TMEM161B: variants seen among roughly 807,000 people sequenced by gnomAD.
TMEM161B encodes transmembrane protein 161B.
Under a neutral mutation model 61.8 loss-of-function variants are expected in TMEM161B, and 34 were observed. That is an observed-to-expected ratio of 0.55 (90% CI 0.42 to 0.73). TMEM161B has a LOEUF of 0.73. Among genes scored for constraint, TMEM161B ranks in the 30% least tolerant of loss-of-function variants. The pLI is 0.00. For missense variants in TMEM161B, 456 were observed against 558.5 expected, an observed-to-expected ratio of 0.82 and a Z score of 1.85; for synonymous variants, 167 against 192.8, an observed-to-expected ratio of 0.87 and a Z score of 1.11.
At chr5:88,217,220 G>A (rs1022089096) in intron 5 of TMEM161B, among the ~76,000 whole-genome samples, 3 of 152,156 alleles carry the variant, frequency 2.0e-5, no homozygotes, top group African/African-American at 7.2e-5. Flanking sequence ...TCATACCACT[G>A]CACTACAGCC....
downstream of TMEM161B, among the ~76,000 whole-genome samples, chr5:88,190,896 C>A (rs1020294310): frequency 1.3e-5 from 2 of 152,098 alleles, no homozygotes; most frequent in African/African-American, 4.8e-5. Flanking sequence ...TTACAGTGTA[C>A]ATTATTCTTT....
At chr5:88,189,332 C>G (rs986029224), downstream of TMEM161B, among the ~76,000 whole-genome samples, 1 of 152,100 alleles carries the variant, frequency 6.6e-6, no homozygotes, top group South Asian at 2.1e-4. Context: ...TTCGGCTATG[C>G]GTGGACCAGT....
chr5:88,212,843 A>C (rs935882378), intron 5 of TMEM161B, among the ~76,000 whole-genome samples: 2 of 152,330 alleles, frequency 1.3e-5, no homozygotes, highest in Non-Finnish European at 2.9e-5. Flanking sequence ...TTTGAGAAGA[A>C]ATAGACCATA....
downstream of TMEM161B, among the ~76,000 whole-genome samples, chr5:88,193,456 G>A (rs1160143993): frequency 4.6e-5 from 7 of 152,034 alleles, no homozygotes; most frequent in Non-Finnish European, 1.0e-4. Flanking sequence ...TGTATTTGAA[G>A]AACATAACTC....
chr5:88,253,656 A>C (rs1393835052), intron 1 of TMEM161B, among the ~76,000 whole-genome samples: 1 of 152,188 alleles, frequency 6.6e-6, no homozygotes, highest in Non-Finnish European at 1.5e-5. Flanking sequence ...AAGTAACCAA[A>C]TCAAATATGT....
Position 88,216,609 on chromosome 5 carries a change from A to G in TMEM161B, c.446+3954T>C, listed in dbSNP as rs370592093. On this transcript the variant is annotated intron_variant, in intron 5 of 11. Transcript: ENST00000296595. Reference sequence around the variant, plus strand: ...CTTAAGACTTTGTTCTGGCTCTTCTAGTCTAAACTATACCTAAATCAATCC... The same window carrying G: ...CTTAAGACTTTGTTCTGGCTCTTCTGGTCTAAACTATACCTAAATCAATCC... Among the ~76,000 whole-genome samples, 83 of 152,310 alleles carry G rather than the reference A, an allele frequency of 5.4e-4. 2 individuals carry two copies. In the South Asian group the frequency reaches 0.017, roughly 31 times the overall value.
chr5:88,226,122 T>G (rs778113468), intron 3 of TMEM161B, among the ~76,000 whole-genome samples: 5 of 152,158 alleles, frequency 3.3e-5, no homozygotes, highest in Non-Finnish European at 5.9e-5. Flanking sequence ...AACAAAATCT[T>G]TTTTTTTCTA....
chr5:88,224,768 CCT>C (rs745873432), intron 4 of TMEM161B, among the ~76,000 whole-genome samples: 77 of 152,242 alleles, frequency 5.1e-4, no homozygotes, highest in African/African-American at 1.8e-3. Context: ...AAGACCAACC[CCT>C]CTTCTTCCTT....
At chr5:88,192,014 ATATATATATATATG>A (rs1748988867), downstream of TMEM161B, among the ~76,000 whole-genome samples, 2 of 93,788 alleles carry the variant, frequency 2.1e-5, no homozygotes, top group Non-Finnish European at 2.1e-5. Context: ...ATATATATAT[ATATATATATATATG>A]TATATAGCCA....
In TMEM161B at chr5:88,258,803, C is replaced by T. The variant is rs1401433847; in HGVS notation, c.3+9918G>A. Among the ~76,000 whole-genome samples, 3 of 152,044 alleles carry T rather than the reference C, an allele frequency of 2.0e-5. No individual in the cohort carries two copies. In the East Asian group the frequency reaches 5.8e-4, roughly 29 times the overall value. On this transcript the variant is annotated intron_variant, in intron 1 of 11. Coordinates refer to ENST00000296595, the MANE Select transcript of TMEM161B (RefSeq NM_153354.5). ...ACATTGGGGCAAATGGTGGCAATCA[C>T]CAGGTAAAAGATAACAAAAATCAGC...
intron 1 of TMEM161B, among the ~76,000 whole-genome samples, chr5:88,265,328 A>G (rs1183915251): frequency 6.6e-6 from 1 of 152,102 alleles, no homozygotes. Flanking sequence ...TTTTTCACAC[A>G]TTGTGGAGGC....
intron 1 of TMEM161B, among the ~76,000 whole-genome samples, chr5:88,255,552 T>G (rs1028403047): frequency 6.6e-6 from 1 of 152,228 alleles, no homozygotes; most frequent in African/African-American, 2.4e-5. Flanking sequence ...AAAATGGCAA[T>G]TTCATATAGT....
intron 3 of TMEM161B, among the ~76,000 whole-genome samples, chr5:88,227,454 A>G (rs557809128): frequency 6.6e-6 from 1 of 152,304 alleles, no homozygotes; most frequent in East Asian, 1.9e-4. Flanking sequence ...GGAAACTATA[A>G]TGTTAGGCAG....
downstream of TMEM161B, among the ~76,000 whole-genome samples, chr5:88,188,792 G>A (rs1182890691): frequency 6.6e-6 from 1 of 152,186 alleles, no homozygotes; most frequent in Admixed American, 6.5e-5. Flanking sequence ...CATGTGAAAG[G>A]GTCTGATGGA....
At chr5:88,187,293 T>C (rs758481286), downstream of TMEM161B, among the ~76,000 whole-genome samples, 1 of 152,248 alleles carries the variant, frequency 6.6e-6, no homozygotes, top group Non-Finnish European at 1.5e-5. Context: ...CATTGCAAAA[T>C]ACTTTGGACA....
chr5:88,203,750 C>CAT (rs35091076), intron 8 of TMEM161B, among the ~76,000 whole-genome samples: 9 of 93,802 alleles, frequency 9.6e-5, no homozygotes, highest in African/African-American at 1.6e-4. Flanking sequence ...ATTTCCCTAT[C>CAT]ATATATATAT....
intron 4 of TMEM161B, among the ~76,000 whole-genome samples, chr5:88,223,810 AC>A (rs1362116646): frequency 6.6e-6 from 1 of 151,972 alleles, no homozygotes; most frequent in Non-Finnish European, 1.5e-5. Flanking sequence ...AATGGCGTGA[AC>A]CTGGGAGGTG....
intron 5 of TMEM161B, among the ~76,000 whole-genome samples, chr5:88,217,734 T>C (rs1043984699): frequency 8.5e-5 from 13 of 152,166 alleles, no homozygotes; most frequent in African/African-American, 3.1e-4. Flanking sequence ...CCTACCCATA[T>C]GATTCAGCAA....
At chr5:88,226,229 G>A (rs915705815) in intron 3 of TMEM161B, among the ~76,000 whole-genome samples, 4 of 151,922 alleles carry the variant, frequency 2.6e-5, no homozygotes, top group Admixed American at 6.6e-5. Context: ...TTGAAGTGAC[G>A]TGTATAAACA....
Sources: allele counts gnomAD v4.1 joint callset (sites outside exome capture counted in the v4.1 genomes callset), GRCh38; gene constraint gnomAD v4.1.1; transcripts MANE v1.5; gene names NCBI Gene and HGNC (gene_info 2026-07-23, HGNC 2026-07-21).